Variants in NPY5R observed in about 807,000 individuals in gnomAD.
NPY5R encodes neuropeptide Y receptor type 5.
In NPY5R, 21 loss-of-function variants were observed where a neutral mutation model predicts 24.8. The ratio of observed to expected loss-of-function variants is 0.85; its 90% CI spans 0.60 to 1.22. The LOEUF is 1.22. Among genes scored for constraint, NPY5R ranks in the 50% most tolerant of loss-of-function variants. The pLI is 0.00. For synonymous variants in NPY5R, 175 were observed against 183.0 expected, an observed-to-expected ratio of 0.96 and a Z score of 0.35; for missense variants, 481 against 521.3, an observed-to-expected ratio of 0.92 and a Z score of 0.75.
Position 163,350,377 on chromosome 4 carries a change from G to T in NPY5R, c.104G>T (p.Ser35Ile). The change falls in exon 4 of 4, where the codon AGC becomes ATC. Residue 35 changes from serine (S) to isoleucine (I), a missense_variant. Transcript: ENST00000338566. ...TTCCCAGTCTGGGATGACTATAAAA[G>T]CAGTGTAGATGACTTACAGTATTTT... ...SDFPVWDDYK[S>I]SVDDLQYFLI... The T allele has an allele frequency of 6.2e-7, 1 of 1,613,740 alleles. No individual in the cohort carries two copies. Among genetic ancestry groups the T allele is most frequent in the Non-Finnish European group, 8.5e-7 (1 of 1,179,712 alleles).
In NPY5R at chr4:163,345,700, G is replaced by A. The variant is rs1015272771; in HGVS notation, c.-120-14G>A. On this transcript the variant is annotated splice_polypyrimidine_tract_variant and intron_variant, in intron 1 of 3. Coordinates refer to ENST00000338566, the MANE Select transcript of NPY5R (RefSeq NM_006174.4). ...TCGTAATAACACTTGTTGAAATTTG[G>A]ATTTCCATTGTAGGTCTGCTCATTG... is the stretch of plus-strand genomic sequence containing the variant. 1.3e-5 allele frequency: 2 copies of A among 152,112 alleles called. No individual in the cohort carries two copies. The highest frequency in any genetic ancestry group is 4.8e-5 in the African/African-American group (2 of 41,410). 9.4% of individuals were successfully genotyped at this position (152,112 alleles called of 1,614,324 possible).
At position 163,350,492 on chromosome 4, in the gene NPY5R, G is replaced by A; in HGVS notation, c.219G>A (p.Lys73=). ...CTCTCATGAAAAAGCGTAATCAGAA[G>A]ACTACGGTAAACTTCCTCATAGGCA... ...LMALMKKRNQ[K]TTVNFLIGNL... The change falls in exon 4 of 4, where the codon AAG becomes AAA. Residue 73 remains lysine, a synonymous_variant. Transcript: ENST00000338566. The A allele has an allele frequency of 6.2e-7, 1 of 1,614,108 alleles. No individual in the cohort carries two copies. Among genetic ancestry groups the A allele is most frequent in the Non-Finnish European group, 8.5e-7 (1 of 1,179,998 alleles).
chr4:163,351,595 A>C lies in NPY5R; in HGVS notation c.1322A>C (p.His441Pro). 6.2e-7 allele frequency: 1 copy of C among 1,604,706 alleles called. No individual in the cohort carries two copies. The highest frequency in any genetic ancestry group is 8.5e-7 in the Non-Finnish European group (1 of 1,172,346). The change falls in exon 4 of 4, where the codon CAC (histidine) becomes CCC (proline). Residue 441 changes from histidine to proline, a missense_variant. Coordinates refer to ENST00000338566, the MANE Select transcript of NPY5R (RefSeq NM_006174.4). ...GIKADLVSLI[H>P]CLHM ...AAAGCTGATTTAGTGTCCCTTATAC[A>C]CTGTCTTCATATGTAATAATTCTCA... is the stretch of plus-strand genomic sequence containing the variant.
At chr4:163,349,960 T>C (rs1735408492) in intron 3 of NPY5R, among the ~76,000 whole-genome samples, 1 of 151,898 alleles carries the variant, frequency 6.6e-6, no homozygotes, top group Non-Finnish European at 1.5e-5. Flanking sequence ...AAAAATTAGC[T>C]GGGCGCAGTG....
At chr4:163,345,567 T>A (rs554504797) in intron 1 of NPY5R, 147 bp from the exon 2 acceptor site, 1 of 152,304 alleles carries the variant, frequency 6.6e-6, no homozygotes, top group Non-Finnish European at 1.5e-5. Context: ...CATGTTAAAA[T>A]ATTTTTTCTC....
At chr4:163,346,961 TATA>T (rs893026645) in intron 2 of NPY5R, among the ~76,000 whole-genome samples, 6 of 152,280 alleles carry the variant, frequency 3.9e-5, no homozygotes, top group African/African-American at 1.4e-4. Flanking sequence ...TTGAAACATC[TATA>T]ATTTCAATGG....
At chr4:163,347,777 C>T (rs1461048902) in intron 3 of NPY5R, among the ~76,000 whole-genome samples, 2 of 152,228 alleles carry the variant, frequency 1.3e-5, no homozygotes, top group South Asian at 2.1e-4. Context: ...CACTTTTGTA[C>T]CAGGTGTTCT....
chr4:163,349,291 C>T, intron 3 of NPY5R: 1 of 927,168 alleles, frequency 1.1e-6, no homozygotes, highest in Non-Finnish European at 1.3e-6. Context: ...TTATTTAATA[C>T]CTGCAGTGAT....
Position 163,351,704 on chromosome 4 carries a change from G to T in NPY5R, c.*93G>T. Reference sequence around the variant, plus strand: ...TTTACATATAATAAATAGAAATTTTGTTAACATGGAATTTAATTTATGTGA... The same window carrying T: ...TTTACATATAATAAATAGAAATTTTTTTAACATGGAATTTAATTTATGTGA... On this transcript the variant is annotated 3_prime_UTR_variant, in exon 4 of 4. Coordinates refer to ENST00000338566, the MANE Select transcript of NPY5R (RefSeq NM_006174.4). The T allele has an allele frequency of 1.2e-6, 1 of 856,778 alleles. No individual in the cohort carries two copies. Among genetic ancestry groups the T allele is most frequent in the Non-Finnish European group, 1.7e-6 (1 of 594,304 alleles). The allele number at this position is 856,778 out of a possible 1,614,324, so 53.1% of individuals were successfully genotyped here. A position where few individuals can be genotyped will look rare whatever the true frequency, so the allele number is the denominator to read the frequency against.
chr4:163,346,040 A>G (rs1019521959), intron 2 of NPY5R, among the ~76,000 whole-genome samples: 37 of 151,416 alleles, frequency 2.4e-4, no homozygotes, highest in Non-Finnish European at 1.0e-4. Context: ...TGTGCAGACT[A>G]TATATTAGAT....
chr4:163,352,079 A>C (rs1735517129), downstream of NPY5R: 1 of 153,600 alleles, frequency 6.5e-6, no homozygotes, highest in Non-Finnish European at 1.5e-5. Context: ...GTACAGAAAA[A>C]ATTTAATATG....
Position 163,351,252 on chromosome 4 carries a change from A to G in NPY5R, c.979A>G (p.Ser327Gly). Residue 327 changes from serine (S) to glycine (G), a missense_variant, in exon 4 of 4, where the codon AGT becomes GGT. Ser to Gly is a moderately conservative substitution (Grantham distance 56). Transcript: ENST00000338566. Reference sequence around the variant, plus strand: ...TGTAAGAAGTCAGCTCTCTTCATCCAGTAAGTTCATACCAGGGGTCCCCAC... The same window carrying G: ...TGTAAGAAGTCAGCTCTCTTCATCCGGTAAGTTCATACCAGGGGTCCCCAC... The part of the protein sequence containing the change: ...GSVRSQLSSS[S>G]KFIPGVPTCF... 1 of 1,614,162 alleles carries G rather than the reference A, an allele frequency of 6.2e-7. No homozygotes were observed. Among genetic ancestry groups the G allele is most frequent in the Non-Finnish European group, 8.5e-7 (1 of 1,179,990 alleles).
At chr4:163,346,229 C>T (rs1735244375) in intron 2 of NPY5R, among the ~76,000 whole-genome samples, 1 of 152,072 alleles carries the variant, frequency 6.6e-6, no homozygotes, top group Non-Finnish European at 1.5e-5. Flanking sequence ...ATAAAGTATT[C>T]ATTATATTCA....
rs2110883707 is a variant in NPY5R at position 163,351,478 on chromosome 4, A to T, written c.1205A>T (p.His402Leu). The change falls in exon 4 of 4, where the codon CAT becomes CTT. Residue 402 changes from histidine to leucine, a missense_variant. By Grantham distance (99) the His-to-Leu change is moderately conservative (BLOSUM62 -3). Coordinates refer to ENST00000338566, the MANE Select transcript of NPY5R (RefSeq NM_006174.4). Reference sequence around the variant, plus strand: ...AATGACAATCTTATTTCAAATAGGCATTTCAAGTTGGTGTATTGCATTTGT... The same window carrying T: ...AATGACAATCTTATTTCAAATAGGCTTTTCAAGTTGGTGTATTGCATTTGT... ...DFNDNLISNR[H>L]FKLVYCICHL... The T allele has an allele frequency of 6.2e-7, 1 of 1,614,002 alleles. No homozygotes were observed. Among genetic ancestry groups the T allele is most frequent in the East Asian group, 2.2e-5 (1 of 44,852 alleles).
chr4:163,350,485 A>G lies in NPY5R; in HGVS notation c.212A>G (p.Asn71Ser), dbSNP rs1177963605. The change falls in exon 4 of 4, where the codon AAT becomes AGT. Residue 71 changes from asparagine (N) to serine (S), a missense_variant. Physicochemically the swap from Asn to Ser is conservative, Grantham distance 46. Coordinates refer to ENST00000338566, the MANE Select transcript of NPY5R (RefSeq NM_006174.4). ...LILMALMKKR[N>S]QKTTVNFLIG... ...TTAATGGCTCTCATGAAAAAGCGTA[A>G]TCAGAAGACTACGGTAAACTTCCTC... is the stretch of plus-strand genomic sequence containing the variant. 2.5e-6 allele frequency: 4 copies of G among 1,613,976 alleles called. No homozygotes were observed. Among genetic ancestry groups the G allele is most frequent in the South Asian group, 1.1e-5 (1 of 91,076 alleles).
chr4:163,347,580 TTATAAA>T (rs1343839739), intron 3 of NPY5R, 58 bp downstream of exon 3: 6 of 152,138 alleles, frequency 3.9e-5, no homozygotes, highest in Admixed American at 3.9e-4. Context: ...CTGTACACAA[TTATAAA>T]TATAAATAGG....
intron 3 of NPY5R, among the ~76,000 whole-genome samples, chr4:163,348,237 C>CTA (rs952593357): frequency 1.4e-4 from 22 of 152,122 alleles, no homozygotes; most frequent in Admixed American, 1.2e-3. Context: ...GGTTTTTTAA[C>CTA]TATATATATC....
chr4:163,348,247 C>T (rs1330422582), intron 3 of NPY5R, among the ~76,000 whole-genome samples: 1 of 152,034 alleles, frequency 6.6e-6, no homozygotes, highest in East Asian at 1.9e-4. Flanking sequence ...CTATATATAT[C>T]ACAATCTCTA....
Position 163,351,927 on chromosome 4 carries a change from C to G in NPY5R, c.*316C>G. The G allele has an allele frequency of 5.4e-6, 1 of 186,118 alleles. No homozygotes were observed. The allele number at this position is 186,118 out of a possible 1,614,324, so 11.5% of individuals were successfully genotyped here. A position where few individuals can be genotyped will look rare whatever the true frequency, so the allele number is the denominator to read the frequency against. Reference sequence around the variant, plus strand: ...TTTTTGTTGAAAGTAAAAGTTATATCTAACCAACTCAGTACTTTTGTCCAA... The same window carrying G: ...TTTTTGTTGAAAGTAAAAGTTATATGTAACCAACTCAGTACTTTTGTCCAA... On this transcript the variant is annotated 3_prime_UTR_variant, in exon 4 of 4. Coordinates refer to ENST00000338566, the MANE Select transcript of NPY5R (RefSeq NM_006174.4).
Sources: gnomAD v4.1 joint callset for allele counts (sites outside exome capture counted in the v4.1 genomes callset) on GRCh38, gnomAD v4.1.1 for gene constraint, MANE v1.5 for transcripts, NCBI Gene and HGNC (gene_info 2026-07-23, HGNC 2026-07-21) for gene names.